ECSIT: variants seen among roughly 807,000 people sequenced by gnomAD.
The protein encoded by ECSIT is evolutionarily conserved signaling intermediate in Toll pathway, mitochondrial.
In ECSIT, 29 loss-of-function variants were observed where a neutral mutation model predicts 36.8. That is an observed-to-expected ratio of 0.79 (90% CI 0.59 to 1.08). ECSIT has a LOEUF of 1.08. Among genes scored for constraint, ECSIT ranks in the 50% least tolerant of loss-of-function variants. ECSIT has a pLI of 0.00. For missense variants in ECSIT, 542 were observed against 581.0 expected, an observed-to-expected ratio of 0.93 and a Z score of 0.69; for synonymous variants, 231 against 234.8, an observed-to-expected ratio of 0.98 and a Z score of 0.15.
intron 1 of ECSIT, among the ~76,000 whole-genome samples, chr19:11,524,956 G>A (rs534168785): frequency 1.1e-3 from 169 of 152,028 alleles, no homozygotes; most frequent in African/African-American, 3.9e-3. Flanking sequence ...GGCCAAGATG[G>A]TGAAACCCCG....
intron 1 of ECSIT, among the ~76,000 whole-genome samples, chr19:11,525,443 G>A (rs1972193703): frequency 6.6e-6 from 1 of 151,764 alleles, no homozygotes; most frequent in African/African-American, 2.4e-5. Context: ...AGCCTGGGAG[G>A]TCCAAGCTAC....
In ECSIT at chr19:11,506,289, G is replaced by A. The variant is rs767582209; in HGVS notation, c.1191C>T (p.Thr397=). 68 of 1,612,628 alleles carry A rather than the reference G, an allele frequency of 4.2e-5. No individual in the cohort carries two copies. The highest frequency in any genetic ancestry group is 2.3e-4 in the Admixed American group (14 of 60,000). Residue 397 remains threonine (T), a synonymous_variant, in exon 8 of 8, where the codon ACC becomes ACT. Coordinates refer to ENST00000270517, the MANE Select transcript of ECSIT (RefSeq NM_016581.5). ...CTGCAGAGGATGTCTGGAGCTCCCG[G>A]GTGGACCCGGCGAGGCGGAAGACCA... is the stretch of plus-strand genomic sequence containing the variant. ...IPVVFRLAGS[T]RELQTSSAGL... is the part of the protein sequence containing the mutation.
chr19:11,528,982 C>A (rs1972271990), intron 1 of ECSIT, 80 bp downstream of exon 1: 1 of 152,256 alleles, frequency 6.6e-6, no homozygotes, highest in Non-Finnish European at 1.5e-5. Flanking sequence ...CCCTCCAGGG[C>A]TGCCCTCTCG....
intron 4 of ECSIT, 101 bp from the exon 5 acceptor site, chr19:11,508,149 C>T (rs1568401164): frequency 2.1e-6 from 3 of 1,408,082 alleles, no homozygotes; most frequent in Non-Finnish European, 3.0e-6. Flanking sequence ...ATTCAGGACA[C>T]CTCTCCTGGA....
intron 3 of ECSIT, 97 bp from the exon 4 acceptor site, chr19:11,513,376 A>C: frequency 1.0e-6 from 1 of 1,002,876 alleles, no homozygotes; most frequent in South Asian, 1.3e-5. Context: ...AATTGATCAC[A>C]GACAGGGAGA....
In ECSIT at chr19:11,514,285, T is replaced by A. The variant is rs1370959825; in HGVS notation, c.97-64A>T. ...CAGTGTCTATGGGGGGCCGCCAGGCTGGCTCTTTCCTCAGAGAGGTCCCAG... is the reference window on the plus strand; with the variant it reads ...CAGTGTCTATGGGGGGCCGCCAGGCAGGCTCTTTCCTCAGAGAGGTCCCAG... On this transcript the variant is annotated intron_variant, in intron 2 of 7. Transcript: ENST00000270517. 4.8e-6 allele frequency: 7 copies of A among 1,468,170 alleles called. No individual in the cohort carries two copies. The Admixed American group carries it at 1.8e-4, about 37-fold the overall frequency. The allele number at this position is 1,468,170 out of a possible 1,614,324, so 90.9% of individuals were successfully genotyped here.
rs765690407 is a variant in ECSIT at position 11,506,198 on chromosome 19, G to A, written c.1282C>T (p.Gln428Ter). ...EEDDNLQRQQ[Q>*]GQS is the part of the protein sequence containing the mutation. ...GCCGGCTCAGACTAGCTCTGGCCCT[G>A]CTGCTGTCGCTGCAGGTTGTCGTCT... Residue 428 changes from glutamine (Q) to a stop codon, truncating the protein, a stop_gained, in exon 8 of 8, where the codon CAG becomes TAG. Coordinates refer to ENST00000270517, the MANE Select transcript of ECSIT (RefSeq NM_016581.5). LOFTEE classifies it high-confidence loss of function. The A allele has an allele frequency of 3.7e-6, 6 of 1,605,836 alleles. No individual in the cohort carries two copies. In the African/African-American group the frequency reaches 8.0e-5, roughly 21 times the overall value.
chr19:11,507,815 G>A lies in ECSIT; in HGVS notation c.832C>T (p.Arg278Cys), dbSNP rs34803265. The A allele has an allele frequency of 0.056, 90,145 of 1,613,446 alleles. 2,938 individuals carry two copies. Among genetic ancestry groups the A allele is most frequent in the Non-Finnish European group, 0.065 (77,136 of 1,179,942 alleles). ...QSPDQQAALA[R>C]HNPARPVFVE... is the part of the protein sequence containing the mutation. ...AAGACAGGCCGGGCTGGATTGTGGC[G>A]GGCCAGGGCGGCCTGCTGATCGGGA... Residue 278 changes from arginine to cysteine, a missense_variant, in exon 6 of 8, where the codon CGC becomes TGC. By Grantham distance (180) the Arg-to-Cys change is radical (BLOSUM62 -3). Coordinates refer to ENST00000270517, the MANE Select transcript of ECSIT (RefSeq NM_016581.5).
intron 4 of ECSIT, among the ~76,000 whole-genome samples, chr19:11,512,419 T>G (rs1164012070): frequency 6.6e-6 from 1 of 152,170 alleles, no homozygotes; most frequent in Non-Finnish European, 1.5e-5. Context: ...GTGTCATCTT[T>G]GAAGCAGAGA....
intron 4 of ECSIT, among the ~76,000 whole-genome samples, chr19:11,509,634 G>A (rs931504326): frequency 3.3e-5 from 5 of 151,126 alleles, no homozygotes; most frequent in African/African-American, 9.7e-5. Flanking sequence ...CAGGCGTGGT[G>A]GCACACGCCT....
At chr19:11,525,276 T>C (rs1972190960) in intron 1 of ECSIT, among the ~76,000 whole-genome samples, 2 of 152,038 alleles carry the variant, frequency 1.3e-5, no homozygotes, top group Admixed American at 6.6e-5. Context: ...TGGGAGGCCA[T>C]GGTGGGAGGA....
chr19:11,514,013 C>G lies in ECSIT; in HGVS notation c.305G>C (p.Arg102Pro), dbSNP rs759969546. ...GATGAAGTCAATGTGGCCCCGCTTA[C>G]GCACGCTGTGCTCCGCAAATTTCTG... is the stretch of plus-strand genomic sequence containing the variant. Reference protein sequence around the residue: ...TVQKFAEHSVRKRGHIDFIYL... With the variant: ...TVQKFAEHSVPKRGHIDFIYL... Residue 102 changes from arginine to proline, a missense_variant, in exon 3 of 8, where the codon CGT becomes CCT. Transcript: ENST00000270517. 2 of 1,614,124 alleles carry G rather than the reference C, an allele frequency of 1.2e-6. No homozygotes were observed. Among genetic ancestry groups the G allele is most frequent in the Admixed American group, 1.7e-5 (1 of 60,006 alleles).
chr19:11,505,982 A>AC lies in ECSIT; in HGVS notation c.*201_*202insG. 1 of 975,964 alleles carries AC rather than the reference A, an allele frequency of 1.0e-6. No homozygotes were observed. The highest frequency in any genetic ancestry group is 1.5e-6 in the Non-Finnish European group (1 of 672,478). The allele number at this position is 975,964 out of a possible 1,614,324, so 60.5% of individuals were successfully genotyped here. A position where few individuals can be genotyped will look rare whatever the true frequency, so the allele number is the denominator to read the frequency against. ...TTTTTATTTGAATTCGGAGAACCAGAGGCGCCTGCAGATTCTGGAGGGGTC... is the reference window on the plus strand; with the variant it reads ...TTTTTATTTGAATTCGGAGAACCAGACGGCGCCTGCAGATTCTGGAGGGGTC... On this transcript the variant is annotated 3_prime_UTR_variant, in exon 8 of 8. Coordinates refer to ENST00000270517, the MANE Select transcript of ECSIT (RefSeq NM_016581.5).
chr19:11,507,918 C>T (rs769492688), intron 5 of ECSIT, 68 bp from the exon 6 acceptor site: 57 of 1,613,900 alleles, frequency 3.5e-5, no homozygotes, highest in Admixed American at 3.3e-4. Flanking sequence ...GGAGCCCAGC[C>T]TAGGCCCAGC....
chr19:11,519,140 G>A lies in ECSIT; in HGVS notation c.31C>T (p.Arg11Ter), dbSNP rs748754287. The change falls in exon 2 of 8, where the codon CGA becomes TGA. Residue 11 changes from arginine to a stop codon, truncating the protein, a stop_gained. Coordinates refer to ENST00000270517, the MANE Select transcript of ECSIT (RefSeq NM_016581.5). LOFTEE classifies it high-confidence loss of function. This position sits in a 1 kb window ranked among gnomAD's most constrained non-coding sequence, Gnocchi z 4.4. ...CCTCCCCAGGCCCTACAGAGGCCTC[G>A]GGCCAGTAGGGTGGCCTGGACCCAG... Reference protein sequence around the residue: MSWVQATLLARGLCRAWGGTC... With the variant: MSWVQATLLA 2.9e-5 allele frequency: 45 copies of A among 1,550,388 alleles called. No individual in the cohort carries two copies. Among genetic ancestry groups the A allele is most frequent in the Non-Finnish European group, 3.7e-5 (42 of 1,146,974 alleles).
intron 4 of ECSIT, chr19:11,510,616 C>T (rs116893606): frequency 0.018 from 2,755 of 152,114 alleles, 38 homozygotes; most frequent in South Asian, 0.042. Context: ...GAAATAGTCA[C>T]CTCTGGGGAG....
Position 11,514,241 on chromosome 19 carries a change from G to A in ECSIT, c.97-20C>T. 1.9e-6 allele frequency: 3 copies of A among 1,583,332 alleles called. No homozygotes were observed. Among genetic ancestry groups the A allele is most frequent in the Non-Finnish European group, 2.6e-6 (3 of 1,167,160 alleles). On this transcript the variant is annotated intron_variant, in intron 2 of 7. Transcript: ENST00000270517. ...AGGGACCTGGGGAGGGAGGAGAACT[G>A]CTGGAATCTGGCACCTCTCAGTGTC...
At chr19:11,510,811 C>T (rs1311683935) in intron 4 of ECSIT, among the ~76,000 whole-genome samples, 2 of 151,834 alleles carry the variant, frequency 1.3e-5, no homozygotes, top group Admixed American at 6.6e-5. Flanking sequence ...CCTGGACCCA[C>T]GACCCTGGTC....
intron 2 of ECSIT, among the ~76,000 whole-genome samples, chr19:11,518,574 G>A (rs1972042948): frequency 6.6e-6 from 1 of 151,802 alleles, no homozygotes; most frequent in South Asian, 2.1e-4. Flanking sequence ...GGGTGATAGA[G>A]CAAGACCTTG....
Sources: allele counts gnomAD v4.1 joint callset (sites outside exome capture counted in the v4.1 genomes callset), GRCh38; gene constraint gnomAD v4.1.1; non-coding constraint Gnocchi (gnomAD v3.1); transcripts MANE v1.5; gene names NCBI Gene and HGNC (gene_info 2026-07-23, HGNC 2026-07-21).